The following RMDN2 variants were observed in gnomAD, a reference collection of about 807,000 sequenced individuals.
The protein encoded by RMDN2 is regulator of microtubule dynamics 2, also known as regulator of microtubule dynamics protein 2.
In RMDN2, 61 loss-of-function variants were observed where a neutral mutation model predicts 52.8. That is an observed-to-expected ratio of 1.16 (90% CI 0.94 to 1.43). The LOEUF is 1.43. Ranked by LOEUF, RMDN2 falls within the 40% of genes most tolerant of loss-of-function variation. The pLI, the probability that RMDN2 is intolerant of heterozygous loss-of-function variation, is 0.00. For missense variants in RMDN2, 592 were observed against 475.3 expected (o/e 1.25, Z -2.28); for synonymous variants, 180 against 153.1 (o/e 1.18, Z -1.30).
chr2:38,050,549 G>A (rs1681529386), intron 10 of RMDN2, among the ~76,000 whole-genome samples: 1 of 152,118 alleles, frequency 6.6e-6, no homozygotes, highest in Non-Finnish European at 1.5e-5. Flanking sequence ...ATGCAATATA[G>A]TTTTAGTTGG....
intron 10 of RMDN2, among the ~76,000 whole-genome samples, chr2:38,007,164 C>T (rs562354397): frequency 6.6e-6 from 1 of 152,138 alleles, no homozygotes; most frequent in African/African-American, 2.4e-5. Flanking sequence ...GTCTAAAATT[C>T]TCTTTTTTTG....
chr2:37,993,988 C>T (rs1339846135), intron 7 of RMDN2, among the ~76,000 whole-genome samples: 1 of 152,188 alleles, frequency 6.6e-6, no homozygotes, highest in African/African-American at 2.4e-5. Flanking sequence ...AAAATGGACT[C>T]TGATCTTCAC....
At chr2:38,063,823 T>A (rs1320641683) in intron 10 of RMDN2, among the ~76,000 whole-genome samples, 1 of 152,200 alleles carries the variant, frequency 6.6e-6, no homozygotes, top group Non-Finnish European at 1.5e-5. Context: ...TTTCACATCC[T>A]CCCCAATACT....
At chr2:38,053,722 C>G (rs911190438) in intron 10 of RMDN2, among the ~76,000 whole-genome samples, 6 of 152,128 alleles carry the variant, frequency 3.9e-5, no homozygotes, top group African/African-American at 1.4e-4. Flanking sequence ...GCTATTTGAT[C>G]TTATTCAGTG....
At chr2:38,031,444 C>A (rs367972636) in intron 10 of RMDN2, among the ~76,000 whole-genome samples, 3 of 151,766 alleles carry the variant, frequency 2.0e-5, no homozygotes, top group African/African-American at 2.4e-5. Context: ...CAGCCTCCCC[C>A]ACCAGTGCTT....
chr2:37,971,728 C>A (rs1324283802), intron 2 of RMDN2, among the ~76,000 whole-genome samples: 1 of 152,104 alleles, frequency 6.6e-6, no homozygotes, highest in African/African-American at 2.4e-5. Flanking sequence ...TGTACCAATA[C>A]CACACTGTCT....
At chr2:37,993,174 C>T (rs1367896393) in intron 7 of RMDN2, among the ~76,000 whole-genome samples, 1 of 152,188 alleles carries the variant, frequency 6.6e-6, no homozygotes, top group African/African-American at 2.4e-5. Flanking sequence ...ATCCACCTGC[C>T]TCGGCCTCCC....
chr2:38,001,534 T>G (rs1676322119), intron 8 of RMDN2, among the ~76,000 whole-genome samples: 1 of 152,236 alleles, frequency 6.6e-6, no homozygotes. Context: ...AAAAGAGATG[T>G]TCTGATTTAT....
intron 2 of RMDN2, among the ~76,000 whole-genome samples, chr2:37,964,254 C>T (rs1045482466): frequency 6.6e-6 from 1 of 152,264 alleles, no homozygotes; most frequent in Non-Finnish European, 1.5e-5. Flanking sequence ...CCTCCATACA[C>T]GTGAGTTTCT....
upstream of RMDN2, among the ~76,000 whole-genome samples, chr2:37,924,486 T>C (rs913460059): frequency 6.6e-6 from 1 of 152,232 alleles, no homozygotes; most frequent in African/African-American, 2.4e-5. Flanking sequence ...TGCCTCATCC[T>C]CCCAAGTAGC....
intron 10 of RMDN2, among the ~76,000 whole-genome samples, chr2:38,023,562 A>G (rs1304596286): frequency 6.6e-6 from 1 of 152,080 alleles, no homozygotes; most frequent in Non-Finnish European, 1.5e-5. Context: ...GTTTTTAATG[A>G]CTTGATCTAC....
chr2:38,004,244 T>TGTTGTCTTG lies in RMDN2; in HGVS notation c.1179+29_1179+37dup, dbSNP rs765725738. 2.7e-6 allele frequency: 4 copies of TGTTGTCTTG among 1,491,546 alleles called. No individual in the cohort carries two copies. In the South Asian group the frequency reaches 4.5e-5, roughly 17 times the overall value. 92.4% of individuals were successfully genotyped at this position (1,491,546 alleles called of 1,614,324 possible). A position where few individuals can be genotyped will look rare whatever the true frequency, so the allele number is the denominator to read the frequency against. On this transcript the variant is annotated intron_variant, in intron 10 of 10. Transcript: ENST00000354545. ...AAGTCCAGAAAGTGACAGTGAGTGC[T>TGTTGTCTTG]GTTGTCTTGTTAGTACTATTCGAGC...
chr2:38,011,265 G>T (rs541934003), intron 10 of RMDN2, among the ~76,000 whole-genome samples: 1 of 152,272 alleles, frequency 6.6e-6, no homozygotes, highest in East Asian at 1.9e-4. Context: ...ATAAACTATT[G>T]CCCTGTCTCT....
intron 1 of RMDN2, among the ~76,000 whole-genome samples, chr2:37,925,810 C>T (rs753679553): frequency 2.6e-5 from 4 of 152,244 alleles, no homozygotes; most frequent in Non-Finnish European, 5.9e-5. Context: ...GGCTTTCAGC[C>T]TTGCGCAAAC....
At chr2:37,955,782 C>G (rs1171833754) in intron 2 of RMDN2, among the ~76,000 whole-genome samples, 1 of 152,100 alleles carries the variant, frequency 6.6e-6, no homozygotes, top group Non-Finnish European at 1.5e-5. Context: ...CCAATTAAAC[C>G]TCTTTTTTCT....
intron 2 of RMDN2, among the ~76,000 whole-genome samples, chr2:37,930,173 A>G (rs1206662103): frequency 6.6e-6 from 1 of 152,204 alleles, no homozygotes; most frequent in African/African-American, 2.4e-5. Flanking sequence ...GGCTAATGCA[A>G]CTGAGGAACT....
chr2:37,953,099 GC>G (rs1245616766), intron 2 of RMDN2: 1 of 151,844 alleles, frequency 6.6e-6, no homozygotes, highest in East Asian at 1.9e-4. Flanking sequence ...ATTTCATGGG[GC>G]TAAGATGTTA....
Position 37,929,642 on chromosome 2 carries a change from C to T in RMDN2, c.365C>T (p.Pro122Leu). The change falls in exon 2 of 11, where the codon CCT (proline) becomes CTT (leucine). Residue 122 changes from proline to leucine, a missense_variant. Pro to Leu is a moderately conservative substitution (Grantham distance 98, BLOSUM62 -3). Coordinates refer to ENST00000354545, the MANE Select transcript of RMDN2 (RefSeq NM_001170791.3). ...AAAATAACTGTTCATAAGATAAGCCCTCAGCACAGAGCGAGAAAAAGAAGA... is the reference window on the plus strand; with the variant it reads ...AAAATAACTGTTCATAAGATAAGCCTTCAGCACAGAGCGAGAAAAAGAAGA... ...GGKITVHKIS[P>L]QHRARKRRLP... 2 of 1,550,386 alleles carry T rather than the reference C, an allele frequency of 1.3e-6. No homozygotes were observed. Among genetic ancestry groups the T allele is most frequent in the Non-Finnish European group, 1.7e-6 (2 of 1,146,712 alleles).
At chr2:38,014,435 A>G (rs1678457631) in intron 10 of RMDN2, among the ~76,000 whole-genome samples, 1 of 152,200 alleles carries the variant, frequency 6.6e-6, no homozygotes, top group South Asian at 2.1e-4. Context: ...TGATCTTAAA[A>G]ACACTCTAAA....
Sources: gnomAD v4.1 joint callset for allele counts (sites outside exome capture counted in the v4.1 genomes callset) on GRCh38, gnomAD v4.1.1 for gene constraint, MANE v1.5 for transcripts, NCBI Gene and HGNC (gene_info 2026-07-23, HGNC 2026-07-21) for gene names.